The following CTNNA3 variants were observed in gnomAD, a reference collection of about 807,000 sequenced individuals.
CTNNA3 encodes catenin alpha 3, also known as catenin alpha-3.
Under a neutral mutation model 95.7 loss-of-function variants are expected in CTNNA3, and 76 were observed. The ratio of observed to expected loss-of-function variants is 0.79; its 90% CI spans 0.66 to 0.96. The LOEUF (loss-of-function observed/expected upper bound fraction) is 0.96, where lower values mean the gene tolerates loss of function less well. Ranked by LOEUF, CTNNA3 falls within the 40% of genes least tolerant of loss-of-function variation. The probability of loss-of-function intolerance (pLI) is 0.00; values close to 1 mark genes in which losing one functional copy is unlikely to be tolerated. For synonymous variants in CTNNA3, 431 were observed against 374.4 expected (o/e 1.15, Z -1.74); for missense variants, 1,191 against 1,089.8 (o/e 1.09, Z -1.31).
chr10:66,283,963 C>A lies in CTNNA3; in HGVS notation c.1733-3342G>T, dbSNP rs56983834. ...AGGTTTTCAGAAAATGAGGTTTAGA[C>A]ATTAATATACAATCATGCTATAGAA... On this transcript the variant is annotated intron_variant, in intron 12 of 17. Transcript: ENST00000433211. Among the ~76,000 whole-genome samples the A allele has an allele frequency of 2.2e-3, 327 of 151,918 alleles. 6 individuals carry two copies. The East Asian group carries it at 0.056, about 26-fold the overall frequency.
At chr10:67,490,496 A>G (rs1848605832) in intron 5 of CTNNA3, among the ~76,000 whole-genome samples, 1 of 152,176 alleles carries the variant, frequency 6.6e-6, no homozygotes, top group Non-Finnish European at 1.5e-5. Flanking sequence ...CACGTGAATA[A>G]AAAATTAACA....
chr10:66,702,993 A>G (rs2394298), intron 9 of CTNNA3, among the ~76,000 whole-genome samples: 55,340 of 152,020 alleles, frequency 0.36, 10,492 homozygotes, highest in Non-Finnish European at 0.41. Flanking sequence ...TGGTCAATGA[A>G]GAATTGGAAT....
chr10:67,116,282 C>T lies in CTNNA3; in HGVS notation c.1047+64035G>A, dbSNP rs180757383. Among the ~76,000 whole-genome samples, 43 of 152,152 alleles carry T rather than the reference C, an allele frequency of 2.8e-4. No homozygotes were observed. In the East Asian group the frequency reaches 8.1e-3, roughly 29 times the overall value. On this transcript the variant is annotated intron_variant, in intron 7 of 17. Coordinates refer to ENST00000433211, the MANE Select transcript of CTNNA3 (RefSeq NM_013266.4). ...AAATTCTTCTAAGGAGTGACTTATT[C>T]AGATGATAGAATGTTGACCATTTGA...
At chr10:66,822,239 T>C (rs1247625303) in intron 7 of CTNNA3, among the ~76,000 whole-genome samples, 1 of 151,890 alleles carries the variant, frequency 6.6e-6, no homozygotes, top group Non-Finnish European at 1.5e-5. Flanking sequence ...ATTCTACGGA[T>C]GACAAATATT....
intron 3 of CTNNA3, among the ~76,000 whole-genome samples, chr10:67,605,379 GA>G (rs1480770811): frequency 6.6e-6 from 1 of 152,148 alleles, no homozygotes; most frequent in African/African-American, 2.4e-5. Context: ...CAGGAGTGAG[GA>G]AATGGGTCAG....
At chr10:66,692,307 G>T (rs191724936) in intron 9 of CTNNA3, among the ~76,000 whole-genome samples, 1 of 152,156 alleles carries the variant, frequency 6.6e-6, no homozygotes, top group South Asian at 2.1e-4. Context: ...TGAGAACTAC[G>T]TGAAGAATGC....
chr10:66,392,168 T>C (rs1160549247), intron 11 of CTNNA3, among the ~76,000 whole-genome samples: 1 of 152,090 alleles, frequency 6.6e-6, no homozygotes, highest in East Asian at 1.9e-4. Flanking sequence ...TGATGGCTCA[T>C]GCCTGTAATC....
rs539915717 is a variant in CTNNA3 at position 66,246,893 on chromosome 10, A to G, written c.1884+33577T>C. On this transcript the variant is annotated intron_variant, in intron 13 of 17. Coordinates refer to ENST00000433211, the MANE Select transcript of CTNNA3 (RefSeq NM_013266.4). Reference sequence around the variant, plus strand: ...CGGTGAAACCCCGTCTCTACTAAAAAACACAAAAAATTAGCCAGATGTAGT... The same window carrying G: ...CGGTGAAACCCCGTCTCTACTAAAAGACACAAAAAATTAGCCAGATGTAGT... 7.7e-4 allele frequency among the ~76,000 whole-genome samples: 117 copies of G among 151,964 alleles called. 1 individual carries two copies. Among genetic ancestry groups the G allele is most frequent in the East Asian group, 7.5e-3 (38 of 5,080 alleles).
chr10:66,430,359 C>T (rs567026238), intron 11 of CTNNA3, among the ~76,000 whole-genome samples: 325 of 152,088 alleles, frequency 2.1e-3, no homozygotes, highest in African/African-American at 7.4e-3. Flanking sequence ...ATGCCATCCC[C>T]TCAAGCTACC....
chr10:66,294,733 A>G (rs1315666338), intron 12 of CTNNA3, among the ~76,000 whole-genome samples: 2 of 152,288 alleles, frequency 1.3e-5, no homozygotes, highest in Admixed American at 6.5e-5. Flanking sequence ...TGACTAAGGT[A>G]TTGACTAATC....
chr10:66,489,987 C>A (rs766262390), intron 11 of CTNNA3, among the ~76,000 whole-genome samples: 1 of 152,186 alleles, frequency 6.6e-6, no homozygotes, highest in African/African-American at 2.4e-5. Flanking sequence ...TTGGCGAAGG[C>A]ATATTATTGT....
intron 11 of CTNNA3, among the ~76,000 whole-genome samples, chr10:66,519,042 A>C (rs1290041408): frequency 1.3e-5 from 2 of 152,120 alleles, no homozygotes; most frequent in African/African-American, 2.4e-5. Context: ...ATGAAGTTGG[A>C]TATTCATGAG....
chr10:66,659,146 A>C (rs1846168228), intron 9 of CTNNA3, among the ~76,000 whole-genome samples: 1 of 151,754 alleles, frequency 6.6e-6, no homozygotes, highest in Admixed American at 6.6e-5. Context: ...TATGAACTTT[A>C]CGTTTTAGTT....
intron 13 of CTNNA3, among the ~76,000 whole-genome samples, chr10:66,279,474 C>G (rs1403559606): frequency 6.6e-6 from 1 of 152,032 alleles, no homozygotes; most frequent in Non-Finnish European, 1.5e-5. Flanking sequence ...CTTGATTGGC[C>G]CTGAACATGA....
chr10:66,389,404 G>A (rs55786735), intron 11 of CTNNA3, among the ~76,000 whole-genome samples: 11,597 of 152,128 alleles, frequency 0.076, 564 homozygotes, highest in East Asian at 0.22. Flanking sequence ...GAGGTGAGGG[G>A]TGGAATGTCC....
chr10:66,632,193 T>C (rs1845161382), intron 9 of CTNNA3, among the ~76,000 whole-genome samples: 10 of 152,106 alleles, frequency 6.6e-5, no homozygotes, highest in Admixed American at 6.6e-4. Flanking sequence ...AGAGCTATAC[T>C]GAACTTAGGT....
intron 14 of CTNNA3, among the ~76,000 whole-genome samples, chr10:66,084,567 G>A (rs1448783291): frequency 6.6e-6 from 1 of 151,996 alleles, no homozygotes; most frequent in Non-Finnish European, 1.5e-5. Flanking sequence ...TTTTTCTAAA[G>A]AGAATTTTTG....
At chr10:66,366,633 T>A (rs1441907775) in intron 12 of CTNNA3, among the ~76,000 whole-genome samples, 3 of 152,144 alleles carry the variant, frequency 2.0e-5, no homozygotes, top group African/African-American at 7.2e-5. Context: ...GCCTTGATCT[T>A]GAATTTCTCC....
At chr10:66,405,763 T>G (rs1278443913) in intron 11 of CTNNA3, among the ~76,000 whole-genome samples, 2 of 152,174 alleles carry the variant, frequency 1.3e-5, no homozygotes, top group Admixed American at 6.6e-5. Flanking sequence ...TGCACTAGCT[T>G]GCAAGGTCTT....
Sources: allele counts gnomAD v4.1 joint callset (sites outside exome capture counted in the v4.1 genomes callset), GRCh38; gene constraint gnomAD v4.1.1; transcripts MANE v1.5; gene names NCBI Gene and HGNC (gene_info 2026-07-23, HGNC 2026-07-21).